The following ICE1 variants were observed in gnomAD, a reference collection of about 807,000 sequenced individuals.
The protein encoded by ICE1 is interactor of little elongation complex ELL subunit 1, also known as little elongation complex subunit 1.
A neutral mutation model predicts 192.7 loss-of-function variants in ICE1; 64 were observed. The ratio of observed to expected loss-of-function variants is 0.33; its 90% confidence interval spans 0.27 to 0.41. The LOEUF (loss-of-function observed/expected upper bound fraction) is 0.41, where lower values mean the gene tolerates loss of function less well. Ranked by LOEUF, ICE1 falls within the 10% of genes least tolerant of loss-of-function variation. ICE1 has a pLI of 1.00. For missense variants in ICE1, 2,708 were observed against 2,696.0 expected (o/e 1.00, Z -0.10); for synonymous variants, 1,010 against 984.5 (o/e 1.03, Z -0.49).
Position 5,467,961 on chromosome 5 carries a change from G to A in ICE1, c.6062-867G>A, listed in dbSNP as rs76127150. Among the ~76,000 whole-genome samples, 185 of 152,288 alleles carry A rather than the reference G, an allele frequency of 1.2e-3. 1 individual carries two copies. The East Asian group carries it at 0.033, about 27-fold the overall frequency. ...GATCATGACATCATTACATAAACTA[G>A]CACGCGGATGTAACATCTTGACTCA... On this transcript the variant is annotated intron_variant, in intron 14 of 18. Transcript: ENST00000296564.
chr5:5,452,434 G>A (rs550978077), intron 10 of ICE1, among the ~76,000 whole-genome samples: 1 of 151,998 alleles, frequency 6.6e-6, no homozygotes, highest in Non-Finnish European at 1.5e-5. Context: ...TTCTCAAGTG[G>A]CACCTGAACC....
Position 5,463,278 on chromosome 5 carries a change from C to G in ICE1, c.3944C>G (p.Ala1315Gly), listed in dbSNP as rs766382449. 6.2e-7 allele frequency: 1 copy of G among 1,613,552 alleles called. No individual in the cohort carries two copies. Among genetic ancestry groups the G allele is most frequent in the Admixed American group, 1.7e-5 (1 of 59,970 alleles). ...GAAACGACTGGCTCCTCATCACATG[C>G]TTCAGAACCAACCCCACAAGCAGCT... is the stretch of plus-strand genomic sequence containing the variant. ...FRETTGSSSH[A>G]SEPTPQAAAL... Residue 1315 changes from alanine (A) to glycine (G), a missense_variant, in exon 13 of 19, where the codon GCT (alanine) becomes GGT (glycine). This residue lies in a region of ICE1 where 2,366 missense variants were observed against 2,276.6 expected (regional missense o/e 1.04). Transcript: ENST00000296564.
intron 10 of ICE1, among the ~76,000 whole-genome samples, chr5:5,449,963 G>T (rs370371327): frequency 4.6e-5 from 7 of 152,182 alleles, no homozygotes; most frequent in African/African-American, 9.6e-5. Context: ...GCAAGGCAGG[G>T]TCCCACAGAT....
intron 18 of ICE1, among the ~76,000 whole-genome samples, chr5:5,487,637 T>A (rs1409381238): frequency 6.6e-6 from 1 of 152,200 alleles, no homozygotes; most frequent in African/African-American, 2.4e-5. Flanking sequence ...TCTTCCATAT[T>A]ACAGTGTACT....
In ICE1 at chr5:5,442,818, A is replaced by G. The variant is rs142234182; in HGVS notation, c.310-350A>G. ...TGATTTGTTTTAAATTTTCCCTAGC[A>G]ATACCGTTAGCTCATATTTATTATG... is the stretch of plus-strand genomic sequence containing the variant. On this transcript the variant is annotated intron_variant, in intron 5 of 18. Coordinates refer to ENST00000296564, the MANE Select transcript of ICE1 (RefSeq NM_015325.3). Among the ~76,000 whole-genome samples the G allele has an allele frequency of 5.5e-3, 833 of 152,332 alleles. 11 individuals are homozygous for G. Among genetic ancestry groups the G allele is most frequent in the African/African-American group, 0.019 (801 of 41,572 alleles).
In ICE1 at chr5:5,457,603, T is replaced by G. The variant is rs777235225; in HGVS notation, c.963T>G (p.Asp321Glu). The G allele has an allele frequency of 6.2e-7, 1 of 1,613,970 alleles. No individual in the cohort carries two copies. The highest frequency in any genetic ancestry group is 1.7e-5 in the Admixed American group (1 of 60,024). ...ACGGTGGTAGTACTGAATTTGTTGA[T>G]CATGATCATTTTTTTGATGAAGATC... is the stretch of plus-strand genomic sequence containing the variant. The part of the protein sequence containing the change: ...HRDGGSTEFV[D>E]HDHFFDEDLQ... The change falls in exon 12 of 19, where the codon GAT becomes GAG. Residue 321 changes from aspartate to glutamate, a missense_variant. Asp to Glu is a conservative substitution (Grantham distance 45, BLOSUM62 2). Transcript: ENST00000296564.
At chr5:5,426,612 G>A (rs1737527928) in intron 1 of ICE1, among the ~76,000 whole-genome samples, 1 of 152,134 alleles carries the variant, frequency 6.6e-6, no homozygotes, top group African/African-American at 2.4e-5. Context: ...GCTGATGTGT[G>A]GCCTTTGATG....
intron 12 of ICE1, among the ~76,000 whole-genome samples, chr5:5,459,039 A>AT (rs1430921215): frequency 6.6e-6 from 1 of 151,852 alleles, no homozygotes; most frequent in Non-Finnish European, 1.5e-5. Flanking sequence ...TGCCTGGCTA[A>AT]TTTTTTTGCA....
rs1738891304 is a variant in ICE1, at chr5:5,464,007, T to G, written c.4673T>G (p.Ile1558Ser). The G allele has an allele frequency of 1.2e-6, 2 of 1,613,548 alleles. No homozygotes were observed. The highest frequency in any genetic ancestry group is 2.7e-5 in the African/African-American group (2 of 74,854). ...GGCAAAAATAAGAATCGATCAAAGA[T>G]TTCAAACAAAGATCAGTCAAACAAA... The part of the protein sequence containing the change: ...PSGKNKNRSK[I>S]SNKDQSNKPV... Residue 1558 changes from isoleucine to serine, a missense_variant, in exon 13 of 19, where the codon ATT (isoleucine) becomes AGT (serine). This residue lies in a region of ICE1 where 2,366 missense variants were observed against 2,276.6 expected (regional missense o/e 1.04). Transcript: ENST00000296564. This position sits in a 1 kb window ranked among gnomAD's most constrained non-coding sequence, Gnocchi z 4.0.
At chr5:5,437,208 G>A in intron 3 of ICE1, 94 bp downstream of exon 3, 1 of 925,108 alleles carries the variant, frequency 1.1e-6, no homozygotes, top group East Asian at 2.6e-5. Context: ...TAGGCCTTCT[G>A]GAAGATAGTA....
chr5:5,477,935 C>T (rs545545320), intron 17 of ICE1, among the ~76,000 whole-genome samples: 21 of 152,334 alleles, frequency 1.4e-4, no homozygotes, highest in South Asian at 6.2e-4. Context: ...TTCAACATCC[C>T]TTCATGCTAA....
chr5:5,422,758 C>T lies in ICE1; in HGVS notation c.-158C>T. 7.6e-6 allele frequency: 3 copies of T among 397,194 alleles called. No homozygotes were observed. Among genetic ancestry groups the T allele is most frequent in the Non-Finnish European group, 1.3e-5 (3 of 233,718 alleles). 24.6% of individuals were successfully genotyped at this position (397,194 alleles called of 1,614,324 possible). A position where few individuals can be genotyped will look rare whatever the true frequency, so the allele number is the denominator to read the frequency against. ...CAGCTCTGGCTCGGAGAGCCTTTTG[C>T]TAGCCCCACGGGGACCTCTGTGCAC... On this transcript the variant is annotated 5_prime_UTR_variant, in exon 1 of 19. Transcript: ENST00000296564.
chr5:5,487,711 G>A (rs748960079), intron 18 of ICE1, among the ~76,000 whole-genome samples: 1 of 152,212 alleles, frequency 6.6e-6, no homozygotes, highest in African/African-American at 2.4e-5. Context: ...CTAATGAGTT[G>A]TTTTGCCAGC....
chr5:5,477,745 G>A (rs868467816), intron 17 of ICE1, among the ~76,000 whole-genome samples: 52 of 152,270 alleles, frequency 3.4e-4, no homozygotes, highest in Middle Eastern at 3.4e-3. Flanking sequence ...TAAAATACCG[G>A]CAAACCAAAT....
At chr5:5,423,755 T>C (rs1737421214) in intron 1 of ICE1, among the ~76,000 whole-genome samples, 1 of 152,170 alleles carries the variant, frequency 6.6e-6, no homozygotes, top group South Asian at 2.1e-4. Flanking sequence ...TCTTTTAACT[T>C]CCTACTATCG....
Position 5,489,453 on chromosome 5 carries a change from C to T in ICE1, c.*123C>T. On this transcript the variant is annotated 3_prime_UTR_variant, in exon 19 of 19. Transcript: ENST00000296564. ...AAGACATAAAATAGATAAAACAGAC[C>T]AGAGGCTCTCCTTATTGTTTGGCAA... 1 of 822,222 alleles carries T rather than the reference C, an allele frequency of 1.2e-6. No homozygotes were observed. The highest frequency in any genetic ancestry group is 1.8e-6 in the Non-Finnish European group (1 of 548,416). The allele number at this position is 822,222 out of a possible 1,614,324, so 50.9% of individuals were successfully genotyped here. A position where few individuals can be genotyped will look rare whatever the true frequency, so the allele number is the denominator to read the frequency against.
rs1336704691 is a variant in ICE1, at chr5:5,465,022, A to G, written c.5688A>G (p.Ala1896=). 2 of 1,613,988 alleles carry G rather than the reference A, an allele frequency of 1.2e-6. No homozygotes were observed. The highest frequency in any genetic ancestry group is 1.1e-5 in the South Asian group (1 of 91,064). The change falls in exon 13 of 19, where the codon GCA becomes GCG. Residue 1896 remains alanine (A), a synonymous_variant. Coordinates refer to ENST00000296564, the MANE Select transcript of ICE1 (RefSeq NM_015325.3). ...ERSCSSPAVS[A]VSQLPLSPKE... is the part of the protein sequence containing the mutation. ...GTTGTTCTAGTCCAGCCGTCAGTGC[A>G]GTTTCACAGTTGCCTTTAAGCCCAA...
chr5:5,441,282 G>A (rs921399657), intron 5 of ICE1, 59 bp downstream of exon 5: 15 of 1,079,050 alleles, frequency 1.4e-5, no homozygotes, highest in Admixed American at 2.1e-5. Flanking sequence ...GAGCTTATTC[G>A]GTATAATTGG....
intron 1 of ICE1, among the ~76,000 whole-genome samples, chr5:5,426,165 G>A (rs184951853): frequency 2.0e-5 from 3 of 152,210 alleles, no homozygotes; most frequent in Non-Finnish European, 4.4e-5. Flanking sequence ...AATTTTATCT[G>A]GGCTGGGAGC....
Sources: allele counts gnomAD v4.1 joint callset (sites outside exome capture counted in the v4.1 genomes callset), GRCh38; gene constraint gnomAD v4.1.1; regional missense constraint gnomAD v4.1.1; non-coding constraint Gnocchi (gnomAD v3.1); transcripts MANE v1.5; gene names NCBI Gene and HGNC (gene_info 2026-07-23, HGNC 2026-07-21).